PAQR8: variants seen among roughly 807,000 people sequenced by gnomAD.
The protein encoded by PAQR8 is membrane progestin receptor beta.
In PAQR8, 17 loss-of-function variants were observed where a neutral mutation model predicts 25.2. That is an observed-to-expected ratio of 0.67 (90% CI 0.46 to 1.01). The LOEUF (loss-of-function observed/expected upper bound fraction) is 1.01, where lower values mean the gene tolerates loss of function less well. Among genes scored for constraint, PAQR8 ranks in the 50% least tolerant of loss-of-function variants. The probability of loss-of-function intolerance (pLI) is 0.00; values close to 1 mark genes in which losing one functional copy is unlikely to be tolerated. For missense variants in PAQR8, 392 were observed against 448.4 expected (o/e 0.87, Z 1.14); for synonymous variants, 204 against 190.6 (o/e 1.07, Z -0.58).
chr6:52,402,617 C>CAAAAAA (rs5876274), intron 1 of PAQR8, among the ~76,000 whole-genome samples: 4 of 115,862 alleles, frequency 3.5e-5, no homozygotes, highest in Admixed American at 9.0e-5. Flanking sequence ...AACTCTGTCT[C>CAAAAAA]AAAAAAAAAA....
At chr6:52,386,184 TAA>T (rs56273216) in intron 1 of PAQR8, among the ~76,000 whole-genome samples, 70 of 151,852 alleles carry the variant, frequency 4.6e-4, no homozygotes, top group African/African-American at 1.5e-3. Flanking sequence ...TTATTTAAAT[TAA>T]AAAAAAATAA....
intron 1 of PAQR8, among the ~76,000 whole-genome samples, chr6:52,396,870 G>A (rs1194657603): frequency 1.3e-5 from 2 of 152,206 alleles, no homozygotes; most frequent in African/African-American, 4.8e-5. Context: ...GACACATCTA[G>A]AGAAGTTGGA....
intron 1 of PAQR8, among the ~76,000 whole-genome samples, chr6:52,372,111 A>G (rs1207005635): frequency 4.0e-5 from 6 of 151,744 alleles, no homozygotes; most frequent in Non-Finnish European, 7.4e-5. Flanking sequence ...TGCATTGAAC[A>G]TTTTTTCACT....
At chr6:52,378,579 T>A (rs1581790972) in intron 1 of PAQR8, among the ~76,000 whole-genome samples, 1 of 149,164 alleles carries the variant, frequency 6.7e-6, no homozygotes, top group African/African-American at 2.5e-5. Flanking sequence ...GATCACGAGG[T>A]CAGGAGTTCA....
intron 1 of PAQR8, among the ~76,000 whole-genome samples, chr6:52,391,722 T>C (rs1184599704): frequency 6.6e-6 from 1 of 152,260 alleles, no homozygotes; most frequent in East Asian, 1.9e-4. Context: ...CAAGTTGTCA[T>C]TTTGGCTGCT....
chr6:52,371,564 T>C (rs1763419547), intron 1 of PAQR8, among the ~76,000 whole-genome samples: 1 of 152,128 alleles, frequency 6.6e-6, no homozygotes, highest in African/African-American at 2.4e-5. Context: ...TGCATCAAAA[T>C]GTAAAAGAAA....
chr6:52,398,742 T>C (rs1368919900), intron 1 of PAQR8, among the ~76,000 whole-genome samples: 4 of 151,872 alleles, frequency 2.6e-5, no homozygotes, highest in Middle Eastern at 3.4e-3. Context: ...TTAGTAGAGA[T>C]GGTGTTTCAG....
chr6:52,382,014 C>A (rs1258270987), intron 1 of PAQR8, among the ~76,000 whole-genome samples: 1 of 152,120 alleles, frequency 6.6e-6, no homozygotes, highest in Non-Finnish European at 1.5e-5. Context: ...TTAGTGGATT[C>A]AACAGATGTT....
At chr6:52,373,878 C>T (rs1023920933) in intron 1 of PAQR8, among the ~76,000 whole-genome samples, 8 of 152,060 alleles carry the variant, frequency 5.3e-5, no homozygotes, top group African/African-American at 1.9e-4. Context: ...TGTGTCTCCA[C>T]CCAAATCTCA....
intron 1 of PAQR8, among the ~76,000 whole-genome samples, chr6:52,364,378 A>G (rs563394279): frequency 6.6e-6 from 1 of 152,200 alleles, no homozygotes; most frequent in South Asian, 2.1e-4. Flanking sequence ...CCTTGCATCA[A>G]AATCTGCACT....
chr6:52,390,292 GACAGA>G (rs1763688523), intron 1 of PAQR8, among the ~76,000 whole-genome samples: 1 of 152,236 alleles, frequency 6.6e-6, no homozygotes, highest in African/African-American at 2.4e-5. Context: ...TATAGGAAGT[GACAGA>G]ACAGACAGAA....
chr6:52,399,809 C>A (rs572942458), intron 1 of PAQR8, among the ~76,000 whole-genome samples: 1 of 152,082 alleles, frequency 6.6e-6, no homozygotes, highest in Non-Finnish European at 1.5e-5. Context: ...CTTTAATTCC[C>A]CAGAACTCCA....
intron 1 of PAQR8, among the ~76,000 whole-genome samples, chr6:52,368,843 C>A (rs1763385054): frequency 1.3e-5 from 2 of 151,940 alleles, no homozygotes; most frequent in Admixed American, 1.3e-4. Flanking sequence ...TTGTATAATC[C>A]CCACGTGTCA....
At position 52,403,151 on chromosome 6, in the gene PAQR8, C is replaced by A; in HGVS notation, c.-52-11C>A. The A allele has an allele frequency of 2.1e-6, 3 of 1,436,476 alleles. No individual in the cohort carries two copies. The highest frequency in any genetic ancestry group is 2.8e-6 in the Non-Finnish European group (3 of 1,071,182). The allele number at this position is 1,436,476 out of a possible 1,614,324, so 89.0% of individuals were successfully genotyped here. On this transcript the variant is annotated splice_polypyrimidine_tract_variant and intron_variant, in intron 1 of 1. Transcript: ENST00000442253. ...ACTGCGGCTTTGCCAATTTTCCTTT[C>A]TTTTCTGCAGGTTGCATACCCTGTC...
intron 1 of PAQR8, among the ~76,000 whole-genome samples, chr6:52,372,865 T>C (rs1404897278): frequency 3.3e-5 from 5 of 152,154 alleles, no homozygotes; most frequent in Non-Finnish European, 5.9e-5. Flanking sequence ...ATTATAATTC[T>C]TTAAACTTCA....
Position 52,385,169 on chromosome 6 carries a change from G to T in PAQR8, c.-52-17993G>T, listed in dbSNP as rs531266001. ...GGGCAGTGTCCCCCATACTGTTCTC[G>T]TGGTAGTGAATAAGTCTCACAAGAT... is the stretch of plus-strand genomic sequence containing the variant. On this transcript the variant is annotated intron_variant, in intron 1 of 1. Transcript: ENST00000442253. Among the ~76,000 whole-genome samples, 5 of 152,152 alleles carry T rather than the reference G, an allele frequency of 3.3e-5. No individual in the cohort carries two copies. In the East Asian group the frequency reaches 7.7e-4, roughly 23 times the overall value.
chr6:52,385,169 G>A (rs531266001), intron 1 of PAQR8, among the ~76,000 whole-genome samples: 11 of 152,152 alleles, frequency 7.2e-5, no homozygotes, highest in Non-Finnish European at 1.3e-4. Flanking sequence ...TACTGTTCTC[G>A]TGGTAGTGAA....
chr6:52,404,274 C>T lies in PAQR8; in HGVS notation c.1061C>T (p.Ser354Phe), dbSNP rs1763881921. 26 of 1,584,058 alleles carry T rather than the reference C, an allele frequency of 1.6e-5. No individual in the cohort carries two copies. The highest frequency in any genetic ancestry group is 2.2e-5 in the Non-Finnish European group (26 of 1,158,052). Residue 354 changes from serine (S) to phenylalanine (F), a missense_variant, in exon 2 of 2, where the codon TCC (serine) becomes TTC (phenylalanine). Transcript: ENST00000442253. ...KVKARLTKKD[S>F] ...AAGGCCAGACTGACCAAGAAAGATT[C>T]CTGAGGCTGGCAAGTGGGGCAACGT...
rs2113954790 is a variant in PAQR8 at position 52,405,641 on chromosome 6, G to A, written c.*1363G>A. The A allele has an allele frequency of 6.0e-6, 1 of 167,138 alleles. No individual in the cohort carries two copies. The highest frequency in any genetic ancestry group is 3.4e-3 in the Middle Eastern group (1 of 296). 10.4% of individuals were successfully genotyped at this position (167,138 alleles called of 1,614,324 possible). ...GGGCTCAGAAGCCCTCTTTTCAGAG[G>A]CAATGATTCCTGTCAGTATGAGGTC... On this transcript the variant is annotated 3_prime_UTR_variant, in exon 2 of 2. Coordinates refer to ENST00000442253, the MANE Select transcript of PAQR8 (RefSeq NM_133367.5).
Sources: allele counts gnomAD v4.1 joint callset (sites outside exome capture counted in the v4.1 genomes callset), GRCh38; gene constraint gnomAD v4.1.1; transcripts MANE v1.5; gene names NCBI Gene and HGNC (gene_info 2026-07-23, HGNC 2026-07-21).